NCALD: variants seen among roughly 807,000 people sequenced by gnomAD.
NCALD encodes the protein neurocalcin delta, also known as neurocalcin-delta.
In NCALD, 10 loss-of-function variants were observed where a neutral mutation model predicts 18.6. The ratio of observed to expected loss-of-function variants is 0.54; its 90% CI spans 0.33 to 0.91. The LOEUF (loss-of-function observed/expected upper bound fraction) is 0.91, where lower values mean the gene tolerates loss of function less well. NCALD is among the 40% of genes least tolerant of loss of function. NCALD has a pLI of 0.03. For synonymous variants in NCALD, 88 were observed against 87.4 expected, an observed-to-expected ratio of 1.01 and a Z score of -0.04; for missense variants, 184 against 247.6, an observed-to-expected ratio of 0.74 and a Z score of 1.72.
At chr8:102,040,429 G>A (rs949361233) in intron 1 of NCALD, among the ~76,000 whole-genome samples, 1 of 150,402 alleles carries the variant, frequency 6.6e-6, no homozygotes, top group South Asian at 2.1e-4. Flanking sequence ...AGCCAAGATT[G>A]CTCCATGGCA....
chr8:102,092,013 G>T (rs956392153), intron 1 of NCALD, among the ~76,000 whole-genome samples: 1 of 152,190 alleles, frequency 6.6e-6, no homozygotes, highest in African/African-American at 2.4e-5. Flanking sequence ...AGGCTGAGAC[G>T]TACTGGGCTG....
intron 2 of NCALD, among the ~76,000 whole-genome samples, chr8:101,704,906 C>T (rs181664527): frequency 8.8e-4 from 130 of 148,112 alleles, no homozygotes; most frequent in African/African-American, 3.1e-3. Flanking sequence ...GCGACAAGAG[C>T]GAAAACTCCG....
At position 101,809,734 on chromosome 8, in the gene NCALD, G is replaced by A. The variant is rs558393245; in HGVS notation, c.-20+77407C>T. Among the ~76,000 whole-genome samples the A allele has an allele frequency of 8.5e-5, 13 of 152,088 alleles. No homozygotes were observed. In the East Asian group the frequency reaches 2.1e-3, roughly 25 times the overall value. On this transcript the variant is annotated intron_variant, in intron 4 of 6. Coordinates refer to the NCALD transcript ENST00000311028. ...TAATTTTTGTATTTTTAATAGAGAC[G>A]GGGTTTCACCATGTTGGCCAGACTG... is the stretch of plus-strand genomic sequence containing the variant.
intron 4 of NCALD, among the ~76,000 whole-genome samples, chr8:101,805,604 C>T (rs944081080): frequency 2.6e-5 from 4 of 152,134 alleles, no homozygotes; most frequent in African/African-American, 9.7e-5. Context: ...AAATTTTTCC[C>T]AGATGGAGAG....
intron 2 of NCALD, among the ~76,000 whole-genome samples, chr8:101,930,344 G>A (rs1304193993): frequency 6.6e-6 from 1 of 151,982 alleles, no homozygotes; most frequent in Non-Finnish European, 1.5e-5. Context: ...CTACTCCAAC[G>A]CCATCTCCCT....
intron 4 of NCALD, among the ~76,000 whole-genome samples, chr8:101,834,943 T>A (rs1814347332): frequency 1.3e-5 from 2 of 152,248 alleles, no homozygotes; most frequent in Admixed American, 1.3e-4. Flanking sequence ...GTTCTGGACC[T>A]GCCTCTGCAG....
At chr8:102,016,207 T>C (rs1476698039) in intron 2 of NCALD, among the ~76,000 whole-genome samples, 1 of 152,132 alleles carries the variant, frequency 6.6e-6, no homozygotes, top group Non-Finnish European at 1.5e-5. Context: ...ATAAGAGGTC[T>C]GTTACCAGTA....
chr8:102,074,830 G>A (rs1329108299), intron 1 of NCALD, among the ~76,000 whole-genome samples: 1 of 152,030 alleles, frequency 6.6e-6, no homozygotes, highest in African/African-American at 2.4e-5. Flanking sequence ...ATCAATTTAG[G>A]GTATATCAAT....
chr8:102,047,718 T>C (rs1201309982), intron 1 of NCALD, among the ~76,000 whole-genome samples: 1 of 152,164 alleles, frequency 6.6e-6, no homozygotes, highest in African/African-American at 2.4e-5. Flanking sequence ...TTTATACACT[T>C]TATGTAATTT....
chr8:101,897,685 G>T (rs1382666772), intron 3 of NCALD, among the ~76,000 whole-genome samples: 2 of 152,160 alleles, frequency 1.3e-5, no homozygotes, highest in African/African-American at 2.4e-5. Flanking sequence ...TAAGTGTCCA[G>T]GAGAGTGTTT....
intron 1 of NCALD, among the ~76,000 whole-genome samples, chr8:102,059,654 AG>A (rs2132253089): frequency 6.6e-6 from 1 of 152,352 alleles, no homozygotes; most frequent in East Asian, 1.9e-4. Flanking sequence ...AGTAACATTT[AG>A]GAAAGGAAAA....
intron 1 of NCALD, among the ~76,000 whole-genome samples, chr8:101,720,945 C>T (rs1313966912): frequency 6.6e-6 from 1 of 151,948 alleles, no homozygotes; most frequent in Non-Finnish European, 1.5e-5. Context: ...AGTGAGGGGA[C>T]GATATGACAG....
At chr8:102,075,715 G>A (rs1824322406) in intron 1 of NCALD, among the ~76,000 whole-genome samples, 1 of 152,146 alleles carries the variant, frequency 6.6e-6, no homozygotes, top group African/African-American at 2.4e-5. Context: ...AGCATTTTGG[G>A]AGGCCAAGGC....
At chr8:102,039,234 C>A (rs946915229) in intron 1 of NCALD, among the ~76,000 whole-genome samples, 5 of 152,086 alleles carry the variant, frequency 3.3e-5, no homozygotes, top group Non-Finnish European at 5.9e-5. Flanking sequence ...ACCCCTGGGA[C>A]CTCTGAGATA....
At chr8:101,924,433 C>T (rs1010615360) in intron 2 of NCALD, among the ~76,000 whole-genome samples, 2 of 152,260 alleles carry the variant, frequency 1.3e-5, no homozygotes, top group Admixed American at 1.3e-4. Flanking sequence ...GGTTTTAATT[C>T]GATTTAACAA....
chr8:101,857,004 T>C (rs572451832), intron 4 of NCALD, among the ~76,000 whole-genome samples: 1 of 152,256 alleles, frequency 6.6e-6, no homozygotes, highest in East Asian at 1.9e-4. Context: ...ACCTCTAGTG[T>C]ATTATATATG....
chr8:101,962,090 A>G (rs1819857395), intron 2 of NCALD, among the ~76,000 whole-genome samples: 2 of 152,174 alleles, frequency 1.3e-5, no homozygotes, highest in African/African-American at 4.8e-5. Context: ...TCATTTTGTT[A>G]TTTAAAAAAA....
chr8:101,941,971 CTCA>C (rs1818975950), intron 2 of NCALD, among the ~76,000 whole-genome samples: 1 of 152,130 alleles, frequency 6.6e-6, no homozygotes, highest in Admixed American at 6.5e-5. Flanking sequence ...ACCTGAATGA[CTCA>C]TCTTTTTCTC....
intron 2 of NCALD, among the ~76,000 whole-genome samples, chr8:101,697,373 G>C (rs1251572089): frequency 6.6e-6 from 1 of 152,112 alleles, no homozygotes; most frequent in African/African-American, 2.4e-5. Flanking sequence ...GATACAAAGG[G>C]GAGCTGGTAC....
Sources: allele counts gnomAD v4.1 joint callset (sites outside exome capture counted in the v4.1 genomes callset), GRCh38; gene constraint gnomAD v4.1.1; transcripts MANE v1.5; gene names NCBI Gene and HGNC (gene_info 2026-07-23, HGNC 2026-07-21).